KLHL7: variants seen among roughly 807,000 people sequenced by gnomAD.
KLHL7 encodes kelch like family member 7, also known as kelch-like protein 7.
In KLHL7, 44 loss-of-function variants were observed where a neutral mutation model predicts 67.4. The observed-to-expected ratio is 0.65, with a 90% CI of 0.51 to 0.84. The LOEUF (loss-of-function observed/expected upper bound fraction) is 0.84, where lower values mean the gene tolerates loss of function less well. KLHL7 is among the 40% of genes least tolerant of loss of function. The pLI is 0.00. For synonymous variants in KLHL7, 252 were observed against 243.3 expected (o/e 1.04, Z -0.33); for missense variants, 362 against 718.1 (o/e 0.50, Z 5.67).
At chr7:23,138,480 A>G in intron 4 of KLHL7, among the ~76,000 whole-genome samples, 1 of 149,146 alleles carries the variant, frequency 6.7e-6, no homozygotes, top group East Asian at 2.0e-4. Flanking sequence ...AAAAAAAAAA[A>G]AAAAGAAGGT....
chr7:23,147,893 T>C (rs1462253768), intron 6 of KLHL7, among the ~76,000 whole-genome samples: 1 of 146,984 alleles, frequency 6.8e-6, no homozygotes, highest in Non-Finnish European at 1.5e-5. Context: ...AGACAAATTA[T>C]TGCTGCTGCT....
intron 5 of KLHL7, among the ~76,000 whole-genome samples, chr7:23,143,090 T>C (rs778603160): frequency 2.0e-5 from 3 of 152,160 alleles, no homozygotes; most frequent in Non-Finnish European, 4.4e-5. Context: ...CATAAAAAAT[T>C]AACTCAGAAA....
intron 7 of KLHL7, among the ~76,000 whole-genome samples, chr7:23,154,709 A>T (rs1784645538): frequency 2.0e-5 from 3 of 152,206 alleles, no homozygotes; most frequent in African/African-American, 4.8e-5. Flanking sequence ...AGACCATGAC[A>T]TTTAAAAATT....
At chr7:23,141,079 G>A in intron 5 of KLHL7, 135 bp downstream of exon 5, 1 of 811,572 alleles carries the variant, frequency 1.2e-6, no homozygotes, top group East Asian at 2.7e-5. Flanking sequence ...ACAGAGTATT[G>A]TAATCTTAGG....
chr7:23,131,330 A>G lies in KLHL7; in HGVS notation c.442+6158A>G, dbSNP rs140559953. ...CCAGGAACTTGAAATAAAAATGCCA[A>G]CAAATGGTTCTTGTGTATTTTGGTA... On this transcript the variant is annotated intron_variant, in intron 4 of 10. Transcript: ENST00000339077. Among the ~76,000 whole-genome samples the G allele has an allele frequency of 7.6e-3, 1,154 of 152,348 alleles. 18 individuals carry two copies. The highest frequency in any genetic ancestry group is 0.026 in the African/African-American group (1,075 of 41,576).
chr7:23,118,006 A>G (rs562662679), intron 1 of KLHL7: 2 of 1,610,704 alleles, frequency 1.2e-6, no homozygotes, highest in East Asian at 4.5e-5. Flanking sequence ...ATAACAAAGA[A>G]TAGAACGTGG....
intron 1 of KLHL7, among the ~76,000 whole-genome samples, chr7:23,114,746 ATTAACAC>A (rs1455236686): frequency 4.6e-5 from 7 of 152,216 alleles, no homozygotes; most frequent in African/African-American, 1.7e-4. Flanking sequence ...GTGGATAACT[ATTAACAC>A]CAGGCCTTGA....
At chr7:23,107,838 A>G (rs745504515) in intron 1 of KLHL7, among the ~76,000 whole-genome samples, 36 of 152,320 alleles carry the variant, frequency 2.4e-4, no homozygotes, top group African/African-American at 3.6e-4. Flanking sequence ...ACTTTTATCA[A>G]CTTCATGGAA....
intron 5 of KLHL7, among the ~76,000 whole-genome samples, chr7:23,141,175 C>T (rs1223303761): frequency 1.3e-5 from 2 of 152,158 alleles, no homozygotes; most frequent in Non-Finnish European, 2.9e-5. Context: ...CAATGCCTTC[C>T]CCAAAGAAGT....
intron 4 of KLHL7, 152 bp from the exon 5 acceptor site, chr7:23,140,617 G>A: frequency 1.3e-6 from 1 of 743,918 alleles, no homozygotes; most frequent in Non-Finnish European, 2.3e-6. Context: ...GTATAGTATT[G>A]GCACAAGAAT....
chr7:23,116,206 TC>T (rs1165833939), intron 1 of KLHL7, among the ~76,000 whole-genome samples: 3 of 152,210 alleles, frequency 2.0e-5, no homozygotes, highest in Non-Finnish European at 4.4e-5. Flanking sequence ...TATCTATGAA[TC>T]CTGTCTCTTG....
chr7:23,139,939 G>A lies in KLHL7; in HGVS notation c.443-830G>A, dbSNP rs148054805. On this transcript the variant is annotated intron_variant, in intron 4 of 10. Coordinates refer to ENST00000339077, the MANE Select transcript of KLHL7 (RefSeq NM_001031710.3). ...TTTTCCTTAACCTTTCAAAAAAAAT[G>A]TAAAAGCTATTCTTAGTTGCTGACC... Among the ~76,000 whole-genome samples the A allele has an allele frequency of 3.7e-3, 529 of 142,290 alleles. 1 individual carries two copies. The highest frequency in any genetic ancestry group is 0.011 in the Middle Eastern group (3 of 272). 93.3% of individuals were successfully genotyped at this position (142,290 alleles called of 152,430 possible). A position where few individuals can be genotyped will look rare whatever the true frequency, so the allele number is the denominator to read the frequency against.
intron 6 of KLHL7, among the ~76,000 whole-genome samples, chr7:23,147,812 G>A (rs150381439): frequency 6.6e-6 from 1 of 152,356 alleles, no homozygotes; most frequent in East Asian, 1.9e-4. Context: ...GAACCTGCAT[G>A]AGGGTAAGAC....
chr7:23,160,931 A>G (rs538104894), intron 7 of KLHL7, among the ~76,000 whole-genome samples: 129 of 152,316 alleles, frequency 8.5e-4, no homozygotes, highest in East Asian at 3.1e-3. Context: ...AATCTGTCCT[A>G]TAGTTTAAAT....
chr7:23,140,939 G>T lies in KLHL7; in HGVS notation c.613G>T (p.Asp205Tyr). 1 of 1,613,344 alleles carries T rather than the reference G, an allele frequency of 6.2e-7. No individual in the cohort carries two copies. Among genetic ancestry groups the T allele is most frequent in the Non-Finnish European group, 8.5e-7 (1 of 1,179,502 alleles). Residue 205 changes from aspartate to tyrosine, a missense_variant, in exon 5 of 11, where the codon GAT becomes TAT. Physicochemically the swap from Asp to Tyr is radical, Grantham distance 160. This residue lies in a region of KLHL7 where 155 missense variants were observed against 280.8 expected (regional missense o/e 0.55). Coordinates refer to ENST00000339077, the MANE Select transcript of KLHL7 (RefSeq NM_001031710.3). ...GGACACTCTGACTGTGAGAGCAGAG[G>T]ATCAGGTGACTAAATTGCCTTCTCA... ...NQDTLTVRAE[D>Y]QVYDAAVRWL...
intron 6 of KLHL7, among the ~76,000 whole-genome samples, chr7:23,144,678 C>G (rs2128465210): frequency 6.6e-6 from 1 of 152,314 alleles, no homozygotes; most frequent in Middle Eastern, 3.4e-3. Flanking sequence ...CTTCTTGGAT[C>G]CTGGCTGTCC....
At chr7:23,139,364 A>T (rs935038935) in intron 4 of KLHL7, among the ~76,000 whole-genome samples, 1 of 152,276 alleles carries the variant, frequency 6.6e-6, no homozygotes, top group Non-Finnish European at 1.5e-5. Context: ...CTGTAGGAGA[A>T]AACTGAGTAC....
At position 23,155,968 on chromosome 7, in the gene KLHL7, C is replaced by T. The variant is rs1352490425; in HGVS notation, c.936+3759C>T. 3 of 460,258 alleles carry T rather than the reference C, an allele frequency of 6.5e-6. No homozygotes were observed. In the Admixed American group the frequency reaches 7.6e-5, roughly 12 times the overall value. The allele number at this position is 460,258 out of a possible 1,614,324, so 28.5% of individuals were successfully genotyped here. On this transcript the variant is annotated intron_variant, in intron 7 of 10. Coordinates refer to ENST00000339077, the MANE Select transcript of KLHL7 (RefSeq NM_001031710.3). Reference sequence around the variant, plus strand: ...TTTAGTCTGTAGTTCTAATTCTTTCCTTGATTTTTTTTTATTGGACAGTTG... The same window carrying T: ...TTTAGTCTGTAGTTCTAATTCTTTCTTTGATTTTTTTTTATTGGACAGTTG...
chr7:23,167,745 T>C (rs763409005), intron 8 of KLHL7, 91 bp from the exon 9 acceptor site: 1 of 1,167,018 alleles, frequency 8.6e-7, no homozygotes, highest in Non-Finnish European at 1.3e-6. Flanking sequence ...CCTAAATTCT[T>C]CCTTCCTTAA....
Sources: allele counts gnomAD v4.1 joint callset (sites outside exome capture counted in the v4.1 genomes callset), GRCh38; gene constraint gnomAD v4.1.1; regional missense constraint gnomAD v4.1.1; transcripts MANE v1.5; gene names NCBI Gene and HGNC (gene_info 2026-07-23, HGNC 2026-07-21).